Variants in ASB5 observed in about 807,000 individuals in gnomAD.
ASB5 encodes the protein ankyrin repeat and SOCS box containing 5, also known as ankyrin repeat and SOCS box protein 5.
In ASB5, 45 loss-of-function variants were observed where a neutral mutation model predicts 42.1. That is an observed-to-expected ratio of 1.07 (90% CI 0.84 to 1.37). The LOEUF (loss-of-function observed/expected upper bound fraction) is 1.37, where lower values mean the gene tolerates loss of function less well. Among genes scored for constraint, ASB5 ranks in the 40% most tolerant of loss-of-function variants. The probability of loss-of-function intolerance (pLI) is 0.00; values close to 1 mark genes in which losing one functional copy is unlikely to be tolerated. For synonymous variants in ASB5, 147 were observed against 150.6 expected (o/e 0.98, Z 0.18); for missense variants, 402 against 399.8 (o/e 1.01, Z -0.05).
chr4:176,241,586 A>G, intron 1 of ASB5: 1 of 1,461,086 alleles, frequency 6.8e-7, no homozygotes, highest in Non-Finnish European at 9.0e-7. Context: ...TTTAGGAGTC[A>G]TATCTGAGCC....
chr4:176,264,826 T>C (rs1754325526), intron 1 of ASB5, among the ~76,000 whole-genome samples: 1 of 152,010 alleles, frequency 6.6e-6, no homozygotes, highest in South Asian at 2.1e-4. Flanking sequence ...TTTCTCTTTC[T>C]GCCAATTTAA....
chr4:176,237,458 T>C (rs1031231652), intron 1 of ASB5: 1 of 985,768 alleles, frequency 1.0e-6, no homozygotes, highest in Admixed American at 6.1e-5. Context: ...CCAGGTGTCA[T>C]AAGTGCAAAT....
chr4:176,218,399 T>A (rs1753047601), intron 5 of ASB5, among the ~76,000 whole-genome samples: 1 of 124,820 alleles, frequency 8.0e-6, no homozygotes, highest in African/African-American at 3.2e-5. Context: ...TAAATATATA[T>A]TTGTATGATA....
chr4:176,221,494 A>C lies in ASB5; in HGVS notation c.491T>G (p.Leu164Arg). 1 of 1,614,218 alleles carries C rather than the reference A, an allele frequency of 6.2e-7. No homozygotes were observed. The highest frequency in any genetic ancestry group is 8.5e-7 in the Non-Finnish European group (1 of 1,180,040). The change falls in exon 4 of 7, where the codon CTG (leucine) becomes CGG (arginine). Residue 164 changes from leucine to arginine, a missense_variant. Leu to Arg is a moderately radical substitution (Grantham distance 102). Coordinates refer to ENST00000296525, the MANE Select transcript of ASB5 (RefSeq NM_080874.4). ...CGTTGGGGATGGAAGACATGACTCC[A>C]GCTGGGCTTTGGCACCATACTCCAG... ...LLLEYGAKAQ[L>R]ESCLPSPTHE... is the part of the protein sequence containing the mutation.
chr4:176,231,216 C>T (rs1341222015), intron 1 of ASB5, among the ~76,000 whole-genome samples: 1 of 113,824 alleles, frequency 8.8e-6, no homozygotes, highest in African/African-American at 3.5e-5. Flanking sequence ...GAGGTAAATC[C>T]GACTCATAAT....
intron 1 of ASB5, among the ~76,000 whole-genome samples, chr4:176,248,366 C>T (rs1753952534): frequency 6.6e-6 from 1 of 152,000 alleles, no homozygotes; most frequent in South Asian, 2.1e-4. Context: ...AAGTGATCCA[C>T]CCACCTCGAC....
At chr4:176,217,276 G>C (rs369077867) in intron 5 of ASB5, among the ~76,000 whole-genome samples, 2 of 152,150 alleles carry the variant, frequency 1.3e-5, no homozygotes, top group African/African-American at 2.4e-5. Context: ...ATACTTTTCT[G>C]TATGCTTGAA....
chr4:176,227,152 T>C (rs1753403377), intron 1 of ASB5, among the ~76,000 whole-genome samples: 1 of 152,322 alleles, frequency 6.6e-6, no homozygotes, highest in African/African-American at 2.4e-5. Flanking sequence ...TCTAAATCAT[T>C]ACATTTCATC....
At chr4:176,230,157 T>C (rs1191156910) in intron 1 of ASB5, among the ~76,000 whole-genome samples, 3 of 152,204 alleles carry the variant, frequency 2.0e-5, no homozygotes, top group Non-Finnish European at 4.4e-5. Flanking sequence ...GTTAAGTGCC[T>C]GCTCTCTAAA....
At chr4:176,238,770 C>A (rs1031598233) in intron 1 of ASB5, among the ~76,000 whole-genome samples, 1 of 152,106 alleles carries the variant, frequency 6.6e-6, no homozygotes, top group Non-Finnish European at 1.5e-5. Context: ...AAAATTATGA[C>A]TATAATTCTG....
rs563934548 is a variant in ASB5, at chr4:176,215,686, G to C, written c.904C>G (p.Arg302Gly). The change falls in exon 7 of 7, where the codon CGA (arginine) becomes GGA (glycine). Residue 302 changes from arginine (R) to glycine (G), a missense_variant. Transcript: ENST00000296525. Reference protein sequence around the residue: ...SLYQLCRLCIRSYIGKPRLHL... With the variant: ...SLYQLCRLCIGSYIGKPRLHL... ...AATCTTGGTTTTCCTATGTAGCTTC[G>C]GATACAGAGTCGGCAAAGTTGGTAA... 3.1e-6 allele frequency: 5 copies of C among 1,612,658 alleles called. No individual in the cohort carries two copies. Among genetic ancestry groups the C allele is most frequent in the Non-Finnish European group, 4.2e-6 (5 of 1,179,180 alleles).
upstream of ASB5, among the ~76,000 whole-genome samples, chr4:176,271,514 A>C (rs1037487): frequency 6.6e-6 from 1 of 152,216 alleles, no homozygotes; most frequent in East Asian, 1.9e-4. Context: ...AGACTGTGGT[A>C]GCAAGGTCTA....
intron 1 of ASB5, among the ~76,000 whole-genome samples, chr4:176,260,908 C>T (rs1271785002): frequency 6.6e-6 from 1 of 152,120 alleles, no homozygotes; most frequent in East Asian, 1.9e-4. Flanking sequence ...ATCTCCTGAC[C>T]TCGTGATCCA....
chr4:176,215,649 G>C lies in ASB5; in HGVS notation c.941C>G (p.Pro314Arg), dbSNP rs775914961. 33 of 1,613,254 alleles carry C rather than the reference G, an allele frequency of 2.0e-5. No individual in the cohort carries two copies. The highest frequency in any genetic ancestry group is 2.7e-5 in the Non-Finnish European group (32 of 1,179,522). Residue 314 changes from proline (P) to arginine (R), a missense_variant, in exon 7 of 7, where the codon CCA becomes CGA. By Grantham distance (103) the Pro-to-Arg change is moderately radical. Transcript: ENST00000296525. ...CAGTAACGTTGGCAGCTGGAGTTGT[G>C]GGATAAGGTGCAATCTTGGTTTTCC... ...YIGKPRLHLI[P>R]QLQLPTLLKN...
intron 1 of ASB5, among the ~76,000 whole-genome samples, chr4:176,233,039 A>G (rs1753589330): frequency 6.6e-6 from 1 of 152,208 alleles, no homozygotes; most frequent in African/African-American, 2.4e-5. Context: ...AGTTTTCTCA[A>G]CTGTAAAAAC....
chr4:176,273,432 A>AT (rs556273356), upstream of ASB5, among the ~76,000 whole-genome samples: 223 of 151,888 alleles, frequency 1.5e-3, no homozygotes, highest in African/African-American at 5.1e-3. Context: ...CATAATCCTC[A>AT]TTTTTTTTGT....
chr4:176,261,924 ATTAG>A (rs1280867563), intron 1 of ASB5, among the ~76,000 whole-genome samples: 1 of 150,848 alleles, frequency 6.6e-6, no homozygotes, highest in Non-Finnish European at 1.5e-5. Flanking sequence ...TATATTATAT[ATTAG>A]TTATGTATTA....
chr4:176,270,478 T>C (rs539799941), upstream of ASB5, among the ~76,000 whole-genome samples: 2 of 152,204 alleles, frequency 1.3e-5, no homozygotes, highest in South Asian at 4.2e-4. Flanking sequence ...AATAAATATG[T>C]CAAATAAAGC....
chr4:176,217,162 C>T lies in ASB5; in HGVS notation c.671-153G>A, dbSNP rs570717685. Among the ~76,000 whole-genome samples the T allele has an allele frequency of 3.4e-3, 519 of 152,270 alleles. 3 individuals carry two copies. The highest frequency in any genetic ancestry group is 5.9e-3 in the Non-Finnish European group (400 of 68,026). On this transcript the variant is annotated intron_variant, in intron 5 of 6. Coordinates refer to ENST00000296525, the MANE Select transcript of ASB5 (RefSeq NM_080874.4). ...TGAGTTATTTCTTTATATACATATA[C>T]AGTATCTACATACACATATATGCCT...
Sources: gnomAD v4.1 joint callset for allele counts (sites outside exome capture counted in the v4.1 genomes callset) on GRCh38, gnomAD v4.1.1 for gene constraint, MANE v1.5 for transcripts, NCBI Gene and HGNC (gene_info 2026-07-23, HGNC 2026-07-21) for gene names.